TMEM196: variants seen among roughly 807,000 people sequenced by gnomAD.
TMEM196 encodes transmembrane protein 196.
A neutral mutation model predicts 20.0 loss-of-function variants in TMEM196; 17 were observed. The observed-to-expected ratio is 0.85, with a 90% confidence interval of 0.58 to 1.27. TMEM196 has a LOEUF of 1.27. TMEM196 is among the 50% of genes most tolerant of loss of function. TMEM196 has a pLI of 0.00. For missense variants in TMEM196, 267 were observed against 223.0 expected (o/e 1.20, Z -1.26); for synonymous variants, 113 against 88.9 (o/e 1.27, Z -1.52).
chr7:19,724,624 G>A (rs1783927349), intron 3 of TMEM196, among the ~76,000 whole-genome samples: 1 of 152,078 alleles, frequency 6.6e-6, no homozygotes. Flanking sequence ...TGTATAGATT[G>A]TACACAAAAT....
chr7:19,748,302 A>G (rs1166495512), intron 1 of TMEM196, among the ~76,000 whole-genome samples: 1 of 147,780 alleles, frequency 6.8e-6, no homozygotes, highest in African/African-American at 2.5e-5. Flanking sequence ...CAGTGTAATG[A>G]CAGAACTTAG....
chr7:19,752,853 T>C (rs1785044377), intron 1 of TMEM196, among the ~76,000 whole-genome samples: 1 of 152,078 alleles, frequency 6.6e-6, no homozygotes, highest in South Asian at 2.1e-4. Context: ...GACCTCGTGA[T>C]CCACCTGCCT....
chr7:19,756,468 A>C (rs1356474966), intron 1 of TMEM196, among the ~76,000 whole-genome samples: 2 of 151,962 alleles, frequency 1.3e-5, no homozygotes, highest in Non-Finnish European at 2.9e-5. Flanking sequence ...TTCCTCAACC[A>C]AGTATTAAGC....
chr7:19,753,032 T>C (rs1422387963), intron 1 of TMEM196, among the ~76,000 whole-genome samples: 1 of 152,174 alleles, frequency 6.6e-6, no homozygotes, highest in African/African-American at 2.4e-5. Flanking sequence ...ACAGCCAAAG[T>C]GCACTTAAAT....
intron 1 of TMEM196, among the ~76,000 whole-genome samples, chr7:19,753,689 ATT>A (rs1316453334): frequency 6.6e-6 from 1 of 152,096 alleles, no homozygotes; most frequent in Non-Finnish European, 1.5e-5. Context: ...ATCCTCAAAC[ATT>A]TTTTGTACCT....
At chr7:19,737,754 G>A (rs1386824568) in intron 1 of TMEM196, among the ~76,000 whole-genome samples, 3 of 151,846 alleles carry the variant, frequency 2.0e-5, no homozygotes, top group Non-Finnish European at 4.4e-5. Context: ...GGGTTTCAGG[G>A]AGGTAAAGGG....
intron 4 of TMEM196, among the ~76,000 whole-genome samples, chr7:19,722,719 T>G (rs1485456445): frequency 6.6e-6 from 1 of 152,106 alleles, no homozygotes; most frequent in African/African-American, 2.4e-5. Context: ...AATGGATCAA[T>G]TACTAAAAAG....
chr7:19,724,448 T>A, intron 3 of TMEM196, 95 bp from the exon 4 acceptor site: 1 of 1,062,610 alleles, frequency 9.4e-7, no homozygotes, highest in South Asian at 1.4e-5. Flanking sequence ...AAAGAGCCAC[T>A]ATTCATATAT....
chr7:19,751,502 G>C (rs915137936), intron 1 of TMEM196, among the ~76,000 whole-genome samples: 1 of 152,186 alleles, frequency 6.6e-6, no homozygotes, highest in African/African-American at 2.4e-5. Context: ...ACTTATAGCA[G>C]CTAATTAAAG....
intron 1 of TMEM196, among the ~76,000 whole-genome samples, chr7:19,762,767 T>C (rs1785486598): frequency 6.6e-6 from 1 of 152,112 alleles, no homozygotes; most frequent in African/African-American, 2.4e-5. Flanking sequence ...CAGCTTTGAG[T>C]CTGATTTGTG....
At chr7:19,761,382 T>C (rs184615075) in intron 1 of TMEM196, among the ~76,000 whole-genome samples, 51 of 152,360 alleles carry the variant, frequency 3.3e-4, no homozygotes, top group African/African-American at 1.2e-3. Flanking sequence ...TACACCGTGT[T>C]TCTTCCACTA....
chr7:19,738,884 C>T (rs1473865110), intron 1 of TMEM196, among the ~76,000 whole-genome samples: 2 of 152,124 alleles, frequency 1.3e-5, no homozygotes, highest in African/African-American at 2.4e-5. Flanking sequence ...TAACTTCCCA[C>T]TATCTAAGTG....
chr7:19,724,198 T>G lies in TMEM196; in HGVS notation c.533+82A>C, dbSNP rs1284824532. ...TAAACAACATCAGTTCAGACTGATCTGTTGACATCATGGCTTTCTGGAAGG... is the reference window on the plus strand; with the variant it reads ...TAAACAACATCAGTTCAGACTGATCGGTTGACATCATGGCTTTCTGGAAGG... On this transcript the variant is annotated intron_variant, in intron 4 of 4. Coordinates refer to ENST00000405844, the MANE Select transcript of TMEM196 (RefSeq NM_001363562.2). The G allele has an allele frequency of 8.2e-6, 10 of 1,223,602 alleles. No individual in the cohort carries two copies. The East Asian group carries it at 2.5e-4, about 31-fold the overall frequency. 75.8% of individuals were successfully genotyped at this position (1,223,602 alleles called of 1,614,324 possible). A position where few individuals can be genotyped will look rare whatever the true frequency, so the allele number is the denominator to read the frequency against.
chr7:19,762,510 G>C (rs1785474566), intron 1 of TMEM196, among the ~76,000 whole-genome samples: 1 of 151,990 alleles, frequency 6.6e-6, no homozygotes, highest in African/African-American at 2.4e-5. Context: ...TTTAATAAGT[G>C]TATTTATGTA....
rs1039030866 is a variant in TMEM196 at position 19,721,089 on chromosome 7, T to A, written c.*1039A>T. 3.9e-5 allele frequency: 6 copies of A among 151,918 alleles called. No homozygotes were observed. The highest frequency in any genetic ancestry group is 8.8e-5 in the Non-Finnish European group (6 of 67,810). 9.4% of individuals were successfully genotyped at this position (151,918 alleles called of 1,614,324 possible). On this transcript the variant is annotated 3_prime_UTR_variant, in exon 5 of 5. Transcript: ENST00000405844. Reference sequence around the variant, plus strand: ...CTATCTGTATACTACACTATTCAGATCACTCATCTTCATAAATATCACCCA... The same window carrying A: ...CTATCTGTATACTACACTATTCAGAACACTCATCTTCATAAATATCACCCA...
chr7:19,732,668 A>G (rs1784256674), intron 1 of TMEM196, among the ~76,000 whole-genome samples: 1 of 151,768 alleles, frequency 6.6e-6, no homozygotes, highest in African/African-American at 2.4e-5. Context: ...TATACTAGCA[A>G]ATCCAACTAG....
At position 19,772,621 on chromosome 7, in the gene TMEM196, C is replaced by T. The variant is rs1367072543; in HGVS notation, c.76G>A (p.Val26Met). 1 of 1,547,158 alleles carries T rather than the reference C, an allele frequency of 6.5e-7. No homozygotes were observed. Among genetic ancestry groups the T allele is most frequent in the Non-Finnish European group, 8.7e-7 (1 of 1,145,820 alleles). The change falls in exon 1 of 5, where the codon GTG (valine) becomes ATG (methionine). Residue 26 changes from valine (V) to methionine (M), a missense_variant. Val to Met is a conservative substitution (Grantham distance 21). Coordinates refer to ENST00000405844, the MANE Select transcript of TMEM196 (RefSeq NM_001363562.2). ...CTGAAGCTGACCGCCCCCACGGCCA[C>T]GCTGGACACCCCCAGCCCTATCTCC... ...VLEIGLGVSSVAVGAVSFSLA... is the reference protein window; with the variant it reads ...VLEIGLGVSSMAVGAVSFSLA...
intron 1 of TMEM196, among the ~76,000 whole-genome samples, chr7:19,754,652 A>G (rs1785128099): frequency 6.7e-6 from 1 of 149,052 alleles, no homozygotes; most frequent in African/African-American, 2.5e-5. Flanking sequence ...GTGGCCATGA[A>G]CTATAAGAAA....
chr7:19,764,821 C>T (rs74439986), intron 1 of TMEM196, among the ~76,000 whole-genome samples: 3,774 of 152,102 alleles, frequency 0.025, 83 homozygotes, highest in Middle Eastern at 0.068. Context: ...TAGTCTCTTC[C>T]GGAAAATAGA....
Sources: gnomAD v4.1 joint callset for allele counts (sites outside exome capture counted in the v4.1 genomes callset) on GRCh38, gnomAD v4.1.1 for gene constraint, MANE v1.5 for transcripts, NCBI Gene and HGNC (gene_info 2026-07-23, HGNC 2026-07-21) for gene names.